The following CEP350 variants were observed in gnomAD, a reference collection of about 807,000 sequenced individuals.
The protein encoded by CEP350 is centrosomal protein 350, also known as centrosome-associated protein 350.
A neutral mutation model predicts 331.8 loss-of-function variants in CEP350; 126 were observed. The ratio of observed to expected loss-of-function variants is 0.38; its 90% CI spans 0.33 to 0.44. The LOEUF is 0.44. Ranked by LOEUF, CEP350 falls within the 20% of genes least tolerant of loss-of-function variation. The pLI, the probability that CEP350 is intolerant of heterozygous loss-of-function variation, is 1.00. For synonymous variants in CEP350, 1,200 were observed against 1,259.5 expected (o/e 0.95, Z 1.00); for missense variants, 3,406 against 3,634.6 (o/e 0.94, Z 1.62).
chr1:180,108,032 G>A (rs1661243377), intron 37 of CEP350, among the ~76,000 whole-genome samples: 1 of 152,046 alleles, frequency 6.6e-6, no homozygotes, highest in Non-Finnish European at 1.5e-5. Context: ...CAGGCTATGA[G>A]ATCCCCCAGT....
chr1:180,008,374 T>G (rs1283058659), intron 8 of CEP350, among the ~76,000 whole-genome samples: 1 of 152,154 alleles, frequency 6.6e-6, no homozygotes, highest in Non-Finnish European at 1.5e-5. Context: ...TCCCACAGGG[T>G]TGTTGTGAGA....
intron 1 of CEP350, among the ~76,000 whole-genome samples, chr1:179,985,571 T>A (rs913927731): frequency 2.0e-5 from 3 of 152,280 alleles, no homozygotes; most frequent in South Asian, 2.1e-4. Context: ...AAAGAAAAGA[T>A]GTTTAATTGA....
rs776632333 is a variant in CEP350, at chr1:180,014,002, A to G, written c.1549A>G (p.Thr517Ala). The stretch of plus-strand genomic sequence containing the variant: ...TCCAGATAATAAGCAGGAGGAAAAT[A>G]CTGCCTTAAATAAGGACTTTTTACC... The part of the protein sequence containing the change: ...SLPDNKQEEN[T>A]ALNKDFLPIE... Residue 517 changes from threonine (T) to alanine (A), a missense_variant, in exon 10 of 38, where the codon ACT (threonine) becomes GCT (alanine). Physicochemically the swap from Thr to Ala is moderately conservative, Grantham distance 58. This residue lies in a region of CEP350 where 1,857 missense variants were observed against 1,909.2 expected (regional missense o/e 0.97). Transcript: ENST00000367607. 3.6e-5 allele frequency: 58 copies of G among 1,613,704 alleles called. No individual in the cohort carries two copies. The Admixed American group carries it at 9.7e-4, about 27-fold the overall frequency.
At chr1:180,011,568 A>G (rs895050762) in intron 8 of CEP350, among the ~76,000 whole-genome samples, 1 of 152,018 alleles carries the variant, frequency 6.6e-6, no homozygotes, top group African/African-American at 2.4e-5. Flanking sequence ...CAGCCTCCTT[A>G]GTAGCTGGGA....
Position 180,094,627 on chromosome 1 carries a change from C to T in CEP350, c.8511+11C>T, listed in dbSNP as rs748992544. On this transcript the variant is annotated intron_variant, in intron 34 of 37. Coordinates refer to ENST00000367607, the MANE Select transcript of CEP350 (RefSeq NM_014810.5). ...ATGTGTCCCAGACCGGTGAGTATTT[C>T]GTCTAGAAAAAGTATCAGTATACCT... 3.1e-5 allele frequency: 49 copies of T among 1,602,108 alleles called. 1 individual carries two copies. The highest frequency in any genetic ancestry group is 1.6e-4 in the East Asian group (7 of 44,782).
chr1:179,958,213 C>T (rs1385975043), intron 1 of CEP350, among the ~76,000 whole-genome samples: 1 of 152,020 alleles, frequency 6.6e-6, no homozygotes, highest in Non-Finnish European at 1.5e-5. Flanking sequence ...GAACCCTTTC[C>T]TCTGTAGTTG....
At position 179,990,538 on chromosome 1, in the gene CEP350, C is replaced by T. The variant is rs1481861560; in HGVS notation, c.152C>T (p.Ala51Val). Residue 51 changes from alanine to valine, a missense_variant, in exon 4 of 38, where the codon GCC (alanine) becomes GTC (valine). Ala to Val is a moderately conservative substitution (Grantham distance 64). This residue lies in a region of CEP350 where 1,857 missense variants were observed against 1,909.2 expected (regional missense o/e 0.97). Coordinates refer to ENST00000367607, the MANE Select transcript of CEP350 (RefSeq NM_014810.5). ...CACATTGAAAATAAATTAGAAGTAGCCCCTACAAGTACAGCTGTGTGTGAT... is the reference window on the plus strand; with the variant it reads ...CACATTGAAAATAAATTAGAAGTAGTCCCTACAAGTACAGCTGTGTGTGAT... ...LRHIENKLEV[A>V]PTSTAVCDSV... The T allele has an allele frequency of 2.5e-6, 4 of 1,600,284 alleles. No individual in the cohort carries two copies. The highest frequency in any genetic ancestry group is 3.4e-6 in the Non-Finnish European group (4 of 1,172,368).
intron 28 of CEP350, among the ~76,000 whole-genome samples, chr1:180,075,435 A>AAC (rs35400236): frequency 0.58 from 88,468 of 151,770 alleles, 27,084 homozygotes; most frequent in East Asian, 0.72. Context: ...AAAATTAAAA[A>AAC]ATTAGCTGGG....
Position 180,016,038 on chromosome 1 carries a change from A to G in CEP350, c.2174+68A>G, listed in dbSNP as rs1470502284. 4 of 1,573,908 alleles carry G rather than the reference A, an allele frequency of 2.5e-6. No individual in the cohort carries two copies. The African/African-American group carries it at 5.4e-5, about 21-fold the overall frequency. ...AAATTTAGCGGAGTGGTCTATGTTC[A>G]GAGAATTTTGTTGACTTTTGTGAAC... On this transcript the variant is annotated intron_variant, in intron 11 of 37. Transcript: ENST00000367607.
chr1:180,016,737 C>G (rs1431764769), intron 11 of CEP350, among the ~76,000 whole-genome samples: 3 of 148,398 alleles, frequency 2.0e-5, no homozygotes, highest in Non-Finnish European at 4.4e-5. Context: ...TCTTGGTTCA[C>G]TGCAACCTCC....
intron 1 of CEP350, among the ~76,000 whole-genome samples, chr1:179,962,387 TCTA>T (rs1386814403): frequency 3.3e-5 from 5 of 152,040 alleles, no homozygotes; most frequent in African/African-American, 9.7e-5. Flanking sequence ...CTTTATCTAA[TCTA>T]CTGTTTTTTG....
intron 1 of CEP350, among the ~76,000 whole-genome samples, chr1:179,963,958 T>C (rs1650815610): frequency 6.6e-6 from 1 of 152,234 alleles, no homozygotes; most frequent in African/African-American, 2.4e-5. Context: ...GAGCATGGAA[T>C]GTTTTTCCAT....
At chr1:180,010,094 C>T (rs1375081354) in intron 8 of CEP350, among the ~76,000 whole-genome samples, 1 of 151,974 alleles carries the variant, frequency 6.6e-6, no homozygotes, top group East Asian at 1.9e-4. Flanking sequence ...ATGGTAATCA[C>T]TGTTTATTTA....
At chr1:179,959,232 G>T (rs555589486) in intron 1 of CEP350, among the ~76,000 whole-genome samples, 1 of 152,310 alleles carries the variant, frequency 6.6e-6, no homozygotes, top group South Asian at 2.1e-4. Flanking sequence ...CGAGGCAAGT[G>T]GGTCACTTGA....
chr1:180,110,513 G>A (rs1286373257), intron 37 of CEP350, among the ~76,000 whole-genome samples: 1 of 152,204 alleles, frequency 6.6e-6, no homozygotes, highest in African/African-American at 2.4e-5. Context: ...GCATGTTTCA[G>A]ATGGACTAGG....
At chr1:180,090,119 CAGT>C (rs1558151960) in intron 32 of CEP350, among the ~76,000 whole-genome samples, 8 of 151,984 alleles carry the variant, frequency 5.3e-5, no homozygotes, top group Non-Finnish European at 1.0e-4. Flanking sequence ...GGAGGAAAGG[CAGT>C]TAGGATGGCT....
chr1:179,974,418 A>G (rs939489797), intron 1 of CEP350, among the ~76,000 whole-genome samples: 21 of 152,150 alleles, frequency 1.4e-4, no homozygotes, highest in African/African-American at 4.8e-4. Context: ...AACAGCTTCT[A>G]ATGCTGCCGT....
At position 180,093,976 on chromosome 1, in the gene CEP350, A is replaced by C. The variant is rs1018583238; in HGVS notation, c.7871A>C (p.Glu2624Ala). The C allele has an allele frequency of 6.2e-7, 1 of 1,613,760 alleles. No homozygotes were observed. The highest frequency in any genetic ancestry group is 1.7e-5 in the Admixed American group (1 of 59,992). The change falls in exon 34 of 38, where the codon GAA (glutamate) becomes GCA (alanine). Residue 2624 changes from glutamate to alanine, a missense_variant. Transcript: ENST00000367607. ...EKSLPSVNDIEASVNRSRSLK... is the reference protein window; with the variant it reads ...EKSLPSVNDIAASVNRSRSLK... Reference sequence around the variant, plus strand: ...TCCCTACCTAGTGTGAATGATATAGAAGCCTCAGTTAATAGAAGTAGAAGC... The same window carrying C: ...TCCCTACCTAGTGTGAATGATATAGCAGCCTCAGTTAATAGAAGTAGAAGC...
intron 1 of CEP350, among the ~76,000 whole-genome samples, chr1:179,967,320 G>A (rs564506878): frequency 6.6e-6 from 1 of 152,202 alleles, no homozygotes; most frequent in South Asian, 2.1e-4. Context: ...TGTAGAAGTT[G>A]TTTCTGGAAT....
Sources: gnomAD v4.1 joint callset for allele counts (sites outside exome capture counted in the v4.1 genomes callset) on GRCh38, gnomAD v4.1.1 for gene constraint, gnomAD v4.1.1 regional missense constraint, MANE v1.5 for transcripts, NCBI Gene and HGNC (gene_info 2026-07-23, HGNC 2026-07-21) for gene names.